The following FSTL5 variants were observed in gnomAD, a reference collection of about 807,000 sequenced individuals.
FSTL5 encodes follistatin like 5, also known as follistatin-related protein 5.
FSTL5 carries 62 observed loss-of-function variants against 89.1 expected under a neutral mutation model. The observed-to-expected ratio is 0.70, with a 90% confidence interval of 0.57 to 0.86. FSTL5 has a LOEUF of 0.86. Among genes scored for constraint, FSTL5 ranks in the 40% least tolerant of loss-of-function variants. The pLI, the probability that FSTL5 is intolerant of heterozygous loss-of-function variation, is 0.00. For missense variants in FSTL5, 1,057 were observed against 1,001.6 expected (o/e 1.06, Z -0.75); for synonymous variants, 383 against 346.2 (o/e 1.11, Z -1.18).
intron 7 of FSTL5, among the ~76,000 whole-genome samples, chr4:161,622,580 G>A (rs1297888510): frequency 5.9e-5 from 9 of 151,868 alleles, no homozygotes; most frequent in Non-Finnish European, 1.3e-4. Flanking sequence ...TAATGACCAA[G>A]TGGAGTTACC....
intron 1 of FSTL5, 75 bp from the exon 2 acceptor site, chr4:162,111,487 A>G (rs974626724): frequency 1.7e-6 from 2 of 1,148,368 alleles, no homozygotes; most frequent in East Asian, 5.3e-5. Context: ...GAAATATTTA[A>G]TATCACATAT....
chr4:161,485,374 A>G (rs1272144838), intron 12 of FSTL5, among the ~76,000 whole-genome samples: 5 of 152,240 alleles, frequency 3.3e-5, no homozygotes, highest in Non-Finnish European at 7.3e-5. Flanking sequence ...AAACTCATCC[A>G]TTCTGATTGC....
chr4:161,673,345 T>C (rs1737185800), intron 6 of FSTL5, among the ~76,000 whole-genome samples: 1 of 152,038 alleles, frequency 6.6e-6, no homozygotes, highest in South Asian at 2.1e-4. Flanking sequence ...AATTCAATAG[T>C]TGCAGTAAGT....
intron 4 of FSTL5, among the ~76,000 whole-genome samples, chr4:161,819,686 A>T (rs983546551): frequency 6.6e-6 from 1 of 152,136 alleles, no homozygotes; most frequent in Non-Finnish European, 1.5e-5. Context: ...CTCAAAATTC[A>T]TGAATGAAAC....
intron 8 of FSTL5, among the ~76,000 whole-genome samples, chr4:161,554,693 A>T (rs1044472227): frequency 6.6e-6 from 1 of 151,620 alleles, no homozygotes; most frequent in Non-Finnish European, 1.5e-5. Flanking sequence ...TATTCTTTTG[A>T]AGAATTCTAT....
intron 3 of FSTL5, among the ~76,000 whole-genome samples, chr4:161,992,894 A>G (rs1455515024): frequency 3.4e-4 from 7 of 20,588 alleles, no homozygotes; most frequent in African/African-American, 8.0e-4. Context: ...ATATATATAT[A>G]TATGTGTGTG....
chr4:161,468,881 T>G lies in FSTL5; in HGVS notation c.1609-9562A>C, dbSNP rs75053326. On this transcript the variant is annotated intron_variant, in intron 13 of 15. Coordinates refer to ENST00000306100, the MANE Select transcript of FSTL5 (RefSeq NM_020116.5). ...TTGTTCTTTGCCAAAATTTCCAGAT[T>G]TATCTATTTCATTAGTATTTTTTTC... is the stretch of plus-strand genomic sequence containing the variant. Among the ~76,000 whole-genome samples, 357 of 152,268 alleles carry G rather than the reference T, an allele frequency of 2.3e-3. 9 individuals are homozygous for G. In the East Asian group the frequency reaches 0.058, roughly 25 times the overall value.
intron 15 of FSTL5, among the ~76,000 whole-genome samples, chr4:161,392,791 G>T (rs1730864473): frequency 6.6e-6 from 1 of 152,132 alleles, no homozygotes; most frequent in South Asian, 2.1e-4. Context: ...TGGCATAGAA[G>T]AAACAGAGTA....
At chr4:161,792,274 A>G (rs1729503668) in intron 4 of FSTL5, among the ~76,000 whole-genome samples, 1 of 152,118 alleles carries the variant, frequency 6.6e-6, no homozygotes, top group Admixed American at 6.5e-5. Context: ...GACAACAACA[A>G]GCAGGGGAAG....
chr4:161,877,583 T>C (rs1732487534), intron 4 of FSTL5, among the ~76,000 whole-genome samples: 1 of 151,212 alleles, frequency 6.6e-6, no homozygotes, highest in Non-Finnish European at 1.5e-5. Context: ...TCCCAGCACT[T>C]TGGGAGGCCG....
At chr4:161,974,953 G>A (rs1157965652) in intron 3 of FSTL5, among the ~76,000 whole-genome samples, 1 of 145,824 alleles carries the variant, frequency 6.9e-6, no homozygotes, top group Non-Finnish European at 1.5e-5. Flanking sequence ...GACATGAACA[G>A]ACACTTCTCA....
At chr4:161,931,922 C>A (rs867770255) in intron 3 of FSTL5, among the ~76,000 whole-genome samples, 3 of 151,962 alleles carry the variant, frequency 2.0e-5, no homozygotes, top group African/African-American at 7.2e-5. Context: ...ATGGTACAGT[C>A]CAAACATCTT....
At chr4:161,734,229 A>T (rs1291919915) in intron 6 of FSTL5, among the ~76,000 whole-genome samples, 1 of 152,180 alleles carries the variant, frequency 6.6e-6, no homozygotes, top group Non-Finnish European at 1.5e-5. Context: ...ATAAAAAAAT[A>T]AGTAAAATTT....
At chr4:161,569,715 C>G (rs1473263235) in intron 8 of FSTL5, among the ~76,000 whole-genome samples, 1 of 150,518 alleles carries the variant, frequency 6.6e-6, no homozygotes, top group Admixed American at 6.6e-5. Flanking sequence ...GACACAGCAG[C>G]CAGATATGAA....
chr4:161,587,847 C>T (rs1446062889), intron 7 of FSTL5, among the ~76,000 whole-genome samples: 1 of 151,908 alleles, frequency 6.6e-6, no homozygotes, highest in Admixed American at 6.6e-5. Context: ...AACTTAATTT[C>T]CACATATGTG....
chr4:161,768,091 G>A (rs1220263035), intron 5 of FSTL5, among the ~76,000 whole-genome samples: 1 of 152,122 alleles, frequency 6.6e-6, no homozygotes, highest in African/African-American at 2.4e-5. Context: ...AAAAGTGGGT[G>A]TGATACACAC....
At chr4:162,138,317 T>C (rs1479060018) in intron 1 of FSTL5, among the ~76,000 whole-genome samples, 2 of 151,652 alleles carry the variant, frequency 1.3e-5, no homozygotes, top group African/African-American at 2.4e-5. Context: ...CTGAATTAAT[T>C]AGTTTGATTG....
At chr4:161,826,164 T>C (rs1305193262) in intron 4 of FSTL5, among the ~76,000 whole-genome samples, 1 of 152,154 alleles carries the variant, frequency 6.6e-6, no homozygotes, top group Non-Finnish European at 1.5e-5. Context: ...GCAGGTTATT[T>C]AATTTCCATA....
intron 1 of FSTL5, among the ~76,000 whole-genome samples, chr4:162,116,483 A>C (rs1731641681): frequency 6.6e-6 from 1 of 152,140 alleles, no homozygotes; most frequent in South Asian, 2.1e-4. Context: ...TGCATGCAAG[A>C]CCCCAGAGAA....
Sources: allele counts gnomAD v4.1 joint callset (sites outside exome capture counted in the v4.1 genomes callset), GRCh38; gene constraint gnomAD v4.1.1; transcripts MANE v1.5; gene names NCBI Gene and HGNC (gene_info 2026-07-23, HGNC 2026-07-21).